FARP1: variants seen among roughly 807,000 people sequenced by gnomAD.
FARP1 encodes the protein FERM, ARH/RhoGEF and pleckstrin domain protein 1.
A neutral mutation model predicts 128.8 loss-of-function variants in FARP1; 52 were observed. That is an observed-to-expected ratio of 0.40 (90% CI 0.32 to 0.51). The LOEUF is 0.51. Among genes scored for constraint, FARP1 ranks in the 20% least tolerant of loss-of-function variants. The pLI is 0.45. For synonymous variants in FARP1, 580 were observed against 551.8 expected (o/e 1.05, Z -0.72); for missense variants, 1,333 against 1,367.9 (o/e 0.97, Z 0.40).
chr13:98,276,533 A>T (rs1884661981), intron 2 of FARP1, among the ~76,000 whole-genome samples: 1 of 151,772 alleles, frequency 6.6e-6, no homozygotes, highest in African/African-American at 2.4e-5. Context: ...ATGTAAAAAT[A>T]ATTGGGTTAG....
chr13:98,226,275 T>C (rs1243284091), intron 2 of FARP1, among the ~76,000 whole-genome samples: 5 of 152,256 alleles, frequency 3.3e-5, no homozygotes, highest in Non-Finnish European at 7.3e-5. Context: ...CCTTGGTTTA[T>C]AGATACATTG....
At chr13:98,357,250 C>G (rs1187867295) in intron 3 of FARP1, among the ~76,000 whole-genome samples, 1 of 152,102 alleles carries the variant, frequency 6.6e-6, no homozygotes, top group East Asian at 1.9e-4. Context: ...TTCTTTTTGT[C>G]TAGCCATCAT....
chr13:98,205,364 A>G (rs1364677541), intron 1 of FARP1, among the ~76,000 whole-genome samples: 1 of 151,226 alleles, frequency 6.6e-6, no homozygotes, highest in Non-Finnish European at 1.5e-5. Flanking sequence ...GGTATGTTGG[A>G]TCATCTCTCT....
intron 2 of FARP1, among the ~76,000 whole-genome samples, chr13:98,290,762 A>G (rs1269700708): frequency 6.6e-6 from 1 of 152,158 alleles, no homozygotes; most frequent in Non-Finnish European, 1.5e-5. Flanking sequence ...AGTAGAGCTG[A>G]CAAGATCTCC....
chr13:98,282,723 T>C (rs1594356412), intron 2 of FARP1, among the ~76,000 whole-genome samples: 1 of 152,094 alleles, frequency 6.6e-6, no homozygotes, highest in Non-Finnish European at 1.5e-5. Context: ...GCTAACATGG[T>C]GAAACCCTGT....
chr13:98,184,748 T>A (rs1460775405), intron 1 of FARP1, among the ~76,000 whole-genome samples: 1 of 152,246 alleles, frequency 6.6e-6, no homozygotes, highest in Non-Finnish European at 1.5e-5. Context: ...TGTGAGGGAC[T>A]TGTTTTTAAA....
chr13:98,424,798 G>A lies in FARP1; in HGVS notation c.1905+148G>A, dbSNP rs1489792708. The A allele has an allele frequency of 4.6e-6, 3 of 653,188 alleles. No individual in the cohort carries two copies. The African/African-American group carries it at 5.3e-5, about 12-fold the overall frequency. 40.5% of individuals were successfully genotyped at this position (653,188 alleles called of 1,614,324 possible). A position where few individuals can be genotyped will look rare whatever the true frequency, so the allele number is the denominator to read the frequency against. On this transcript the variant is annotated intron_variant, in intron 17 of 26. Coordinates refer to ENST00000319562, the MANE Select transcript of FARP1 (RefSeq NM_005766.4). ...AGCTTGTCCAACCCACCGCCGAGCA[G>A]CAGCTTACAGCCCAGGACGGCTTTG...
chr13:98,237,267 G>A (rs919255989), intron 2 of FARP1, among the ~76,000 whole-genome samples: 9 of 150,812 alleles, frequency 6.0e-5, no homozygotes, highest in Non-Finnish European at 1.2e-4. Flanking sequence ...TCACGCCATT[G>A]TACTCCAGCC....
At chr13:98,397,531 C>G (rs901148884) in intron 13 of FARP1, 2 of 152,154 alleles carry the variant, frequency 1.3e-5, no homozygotes, top group African/African-American at 4.8e-5. Context: ...TAAATCTTGC[C>G]CACCAGTGTC....
chr13:98,431,420 C>T (rs1355650687), intron 18 of FARP1, 140 bp downstream of exon 18: 66 of 564,398 alleles, frequency 1.2e-4, no homozygotes, highest in African/African-American at 1.9e-4. Flanking sequence ...TCAGGGTGGG[C>T]GCCGGTTTTT....
intron 24 of FARP1, 22 bp downstream of exon 24, chr13:98,440,858 C>G: frequency 6.4e-7 from 1 of 1,573,832 alleles, no homozygotes; most frequent in African/African-American, 1.4e-5. Context: ...CAGGGCAGCT[C>G]TGGTTCCCAG....
chr13:98,290,648 C>T (rs2139663235), intron 2 of FARP1, among the ~76,000 whole-genome samples: 1 of 152,198 alleles, frequency 6.6e-6, no homozygotes, highest in East Asian at 1.9e-4. Flanking sequence ...ACATTGGCTG[C>T]TGAGTTGGGA....
At chr13:98,142,824 C>G (rs1410944145), upstream of FARP1, 1 of 152,238 alleles carries the variant, frequency 6.6e-6, no homozygotes, top group Non-Finnish European at 1.5e-5. Flanking sequence ...GCCAGTGGCG[C>G]TCCCCGCGCT....
intron 2 of FARP1, among the ~76,000 whole-genome samples, chr13:98,241,703 G>A (rs544618286): frequency 6.6e-6 from 1 of 152,088 alleles, no homozygotes; most frequent in Non-Finnish European, 1.5e-5. Context: ...ATCACCTGAG[G>A]TCATCAGGGG....
In FARP1 at chr13:98,296,141, A is replaced by AT. The variant is rs570660811; in HGVS notation, c.172-47620dup. Among the ~76,000 whole-genome samples, 36 of 152,260 alleles carry AT rather than the reference A, an allele frequency of 2.4e-4. No individual in the cohort carries two copies. The South Asian group carries it at 5.4e-3, about 23-fold the overall frequency. On this transcript the variant is annotated intron_variant, in intron 2 of 26. Coordinates refer to ENST00000319562, the MANE Select transcript of FARP1 (RefSeq NM_005766.4). ...ATTTTAAAGAGCTTCCACATGGAGCATGTCCTGGTTTGAGAGCAGCTACTC... is the reference window on the plus strand; with the variant it reads ...ATTTTAAAGAGCTTCCACATGGAGCATTGTCCTGGTTTGAGAGCAGCTACTC...
intron 1 of FARP1, among the ~76,000 whole-genome samples, chr13:98,166,907 A>T (rs906232106): frequency 1.4e-4 from 21 of 151,826 alleles, no homozygotes; most frequent in African/African-American, 5.1e-4. Context: ...TTGTATTTTT[A>T]GTAGAAATTG....
At chr13:98,248,400 T>C (rs9517227) in intron 2 of FARP1, among the ~76,000 whole-genome samples, 60,527 of 151,940 alleles carry the variant, frequency 0.4, 12,634 homozygotes, top group South Asian at 0.54. Flanking sequence ...TTCCCCAAGG[T>C]ATTTTCCTGT....
In FARP1 at chr13:98,446,023, G is replaced by A. The variant is rs562045365; in HGVS notation, c.2797-75G>A. On this transcript the variant is annotated intron_variant, in intron 24 of 26. Transcript: ENST00000319562. ...ACATGCCCCAGCCCAGGGCCCTGGT[G>A]CAGGGAGAGCTGCTCTCTGTGCCCT... 292 of 989,004 alleles carry A rather than the reference G, an allele frequency of 3.0e-4. 3 individuals carry two copies. In the East Asian group the frequency reaches 7.0e-3, roughly 24 times the overall value. The allele number at this position is 989,004 out of a possible 1,614,324, so 61.3% of individuals were successfully genotyped here. A position where few individuals can be genotyped will look rare whatever the true frequency, so the allele number is the denominator to read the frequency against.
At chr13:98,297,384 T>C (rs866803414) in intron 2 of FARP1, among the ~76,000 whole-genome samples, 2 of 152,194 alleles carry the variant, frequency 1.3e-5, no homozygotes, top group African/African-American at 4.8e-5. Flanking sequence ...AGGTGTGCAA[T>C]AGAAATGAAG....
Sources: gnomAD v4.1 joint callset for allele counts (sites outside exome capture counted in the v4.1 genomes callset) on GRCh38, gnomAD v4.1.1 for gene constraint, MANE v1.5 for transcripts, NCBI Gene and HGNC (gene_info 2026-07-23, HGNC 2026-07-21) for gene names.